Variants in TENM3 observed in about 807,000 individuals in gnomAD.
The protein encoded by TENM3 is teneurin transmembrane protein 3.
A neutral mutation model predicts 255.1 loss-of-function variants in TENM3; 63 were observed. The observed-to-expected ratio is 0.25, with a 90% CI of 0.20 to 0.30. TENM3 has a LOEUF of 0.30. TENM3 is among the 10% of genes least tolerant of loss of function. The pLI is 1.00. For synonymous variants in TENM3, 1,306 were observed against 1,322.3 expected (o/e 0.99, Z 0.27); for missense variants, 2,929 against 3,461.1 (o/e 0.85, Z 3.86).
At chr4:182,682,733 G>GATTTTTTTCAAGCCTATTTT (rs577544492) in intron 11 of TENM3, among the ~76,000 whole-genome samples, 212 of 152,032 alleles carry the variant, frequency 1.4e-3, no homozygotes, top group South Asian at 2.9e-3. Context: ...GATACACGCT[G>GATTTTTTTCAAGCCTATTTT]ATTTTTTTCA....
chr4:181,772,519 T>TA, the TENM3 span, among the ~76,000 whole-genome samples: 3 of 152,290 alleles, frequency 2.0e-5, no homozygotes, highest in African/African-American at 4.8e-5. Flanking sequence ...ACTTTGATTT[T>TA]AAAAAAATGT....
the TENM3 span, among the ~76,000 whole-genome samples, chr4:182,100,644 T>C: frequency 2.9e-5 from 2 of 68,666 alleles, no homozygotes; most frequent in Non-Finnish European, 6.5e-5. Flanking sequence ...TACACATATA[T>C]ATACACATAT....
chr4:182,505,094 T>C (rs2151678252), intron 3 of TENM3, among the ~76,000 whole-genome samples: 1 of 152,306 alleles, frequency 6.6e-6, no homozygotes, highest in East Asian at 1.9e-4. Flanking sequence ...TGTATCAGTA[T>C]AATCAATATT....
At chr4:182,612,163 A>G (rs542843843) in intron 4 of TENM3, among the ~76,000 whole-genome samples, 1 of 151,470 alleles carries the variant, frequency 6.6e-6, no homozygotes, top group Non-Finnish European at 1.5e-5. Context: ...TCTGAGCTAC[A>G]GGGGAGGCTG....
At chr4:181,589,145 T>A in the TENM3 span, among the ~76,000 whole-genome samples, 1 of 152,208 alleles carries the variant, frequency 6.6e-6, no homozygotes, top group African/African-American at 2.4e-5. Flanking sequence ...CTGTCTTAAA[T>A]GATTTTGGTG....
chr4:182,451,987 T>G (rs1773499426), intron 3 of TENM3, among the ~76,000 whole-genome samples: 1 of 152,246 alleles, frequency 6.6e-6, no homozygotes, highest in Non-Finnish European at 1.5e-5. Context: ...TAAAATGAGT[T>G]ATTTTATAGT....
chr4:182,346,380 G>T (rs1356338891), intron 2 of TENM3, among the ~76,000 whole-genome samples: 1 of 151,822 alleles, frequency 6.6e-6, no homozygotes. Flanking sequence ...TCATGGTTGG[G>T]GCCACTTTAC....
chr4:182,675,960 A>T (rs573267663), intron 7 of TENM3, among the ~76,000 whole-genome samples: 1 of 152,340 alleles, frequency 6.6e-6, no homozygotes, highest in African/African-American at 2.4e-5. Context: ...TAAGTAGGTT[A>T]TGCATTTTCT....
chr4:181,971,033 G>A, the TENM3 span, among the ~76,000 whole-genome samples: 90 of 152,096 alleles, frequency 5.9e-4, no homozygotes, highest in African/African-American at 1.9e-3. Context: ...CTGCAGCCTC[G>A]AACTCCTGGG....
At chr4:182,469,172 C>T (rs768440757) in intron 3 of TENM3, among the ~76,000 whole-genome samples, 3 of 152,104 alleles carry the variant, frequency 2.0e-5, no homozygotes, top group Non-Finnish European at 4.4e-5. Context: ...TGATAAGCAT[C>T]TGAATGTCTG....
chr4:181,613,028 A>G, the TENM3 span, among the ~76,000 whole-genome samples: 1 of 152,148 alleles, frequency 6.6e-6, no homozygotes, highest in Admixed American at 6.6e-5. Flanking sequence ...CTAACATTTT[A>G]TTTGTTCTAA....
At chr4:181,951,255 A>G in the TENM3 span, among the ~76,000 whole-genome samples, 1 of 152,146 alleles carries the variant, frequency 6.6e-6, no homozygotes, top group Non-Finnish European at 1.5e-5. Flanking sequence ...CTCCAAGTTC[A>G]TTGAACAAAA....
chr4:182,176,396 G>C (rs1211111360), intron 1 of TENM3, among the ~76,000 whole-genome samples: 1 of 152,164 alleles, frequency 6.6e-6, no homozygotes, highest in Non-Finnish European at 1.5e-5. Flanking sequence ...TTACCTCATA[G>C]ATTTGTAATG....
chr4:182,228,588 C>T (rs62354179), intron 1 of TENM3, among the ~76,000 whole-genome samples: 1 of 151,624 alleles, frequency 6.6e-6, no homozygotes, highest in Non-Finnish European at 1.5e-5. Flanking sequence ...AGTCTTGTCA[C>T]TGCTAATTGG....
At chr4:182,248,773 C>T (rs1757809926) in intron 1 of TENM3, among the ~76,000 whole-genome samples, 1 of 152,180 alleles carries the variant, frequency 6.6e-6, no homozygotes, top group Non-Finnish European at 1.5e-5. Context: ...GTAAACCTGA[C>T]AAAAACCCTG....
chr4:182,772,029 A>T (rs1475322034), intron 22 of TENM3, among the ~76,000 whole-genome samples: 1 of 152,122 alleles, frequency 6.6e-6, no homozygotes, highest in East Asian at 1.9e-4. Flanking sequence ...TAATGGGATC[A>T]GCTCATCACC....
At chr4:182,523,364 T>G (rs1014902748) in intron 3 of TENM3, among the ~76,000 whole-genome samples, 3 of 152,150 alleles carry the variant, frequency 2.0e-5, no homozygotes, top group Non-Finnish European at 4.4e-5. Flanking sequence ...GCTTTTACCC[T>G]GTCAACCAAT....
chr4:181,519,321 A>G, the TENM3 span, among the ~76,000 whole-genome samples: 1 of 152,240 alleles, frequency 6.6e-6, no homozygotes, highest in East Asian at 1.9e-4. Flanking sequence ...TTAATTATGA[A>G]TAAAGATTTC....
the TENM3 span, among the ~76,000 whole-genome samples, chr4:181,546,217 T>G: frequency 1.3e-5 from 2 of 152,174 alleles, no homozygotes; most frequent in African/African-American, 4.8e-5. Context: ...TACTTCTCCC[T>G]TCGTATAGCT....
Sources: gnomAD v4.1 joint callset for allele counts (sites outside exome capture counted in the v4.1 genomes callset) on GRCh38, gnomAD v4.1.1 for gene constraint, MANE v1.5 for transcripts, NCBI Gene and HGNC (gene_info 2026-07-23, HGNC 2026-07-21) for gene names.